The following ZBTB25 variants were observed in gnomAD, a reference collection of about 807,000 sequenced individuals.
ZBTB25 encodes zinc finger and BTB domain containing 25.
ZBTB25 carries 20 observed loss-of-function variants against 34.2 expected under a neutral mutation model. The observed-to-expected ratio is 0.58, with a 90% CI of 0.41 to 0.85. ZBTB25 has a LOEUF of 0.85. Among genes scored for constraint, ZBTB25 ranks in the 40% least tolerant of loss-of-function variants. The pLI is 0.00. For synonymous variants in ZBTB25, 175 were observed against 186.4 expected (o/e 0.94, Z 0.50); for missense variants, 437 against 521.8 (o/e 0.84, Z 1.58).
chr14:64,484,439 T>A lies in ZBTB25; in HGVS notation c.*2484A>T, dbSNP rs1171263222. ...GCTCACACCTGTAATCCCAGCACTA[T>A]GGGAGGCCGAGGCTGGTGCATGACC... is the stretch of plus-strand genomic sequence containing the variant. On this transcript the variant is annotated 3_prime_UTR_variant, in exon 3 of 3. Transcript: ENST00000608382. 6.6e-6 allele frequency: 1 copy of A among 152,314 alleles called. No individual in the cohort carries two copies. The highest frequency in any genetic ancestry group is 1.5e-5 in the Non-Finnish European group (1 of 68,158). The allele number at this position is 152,314 out of a possible 1,614,324, so 9.4% of individuals were successfully genotyped here. A position where few individuals can be genotyped will look rare whatever the true frequency, so the allele number is the denominator to read the frequency against.
intron 1 of ZBTB25, among the ~76,000 whole-genome samples, chr14:64,491,634 A>G (rs946356267): frequency 2.0e-5 from 3 of 152,212 alleles, no homozygotes; most frequent in Non-Finnish European, 2.9e-5. Flanking sequence ...TAAGCAGCAA[A>G]AACATTCAGA....
chr14:64,482,122 C>T lies in ZBTB25; in HGVS notation c.*4801G>A, dbSNP rs1052439721. ...TACTATTATTACCTTCACCCCATTTCCTGTCCTCATCTACTATTTAGATCA... is the reference window on the plus strand; with the variant it reads ...TACTATTATTACCTTCACCCCATTTTCTGTCCTCATCTACTATTTAGATCA... On this transcript the variant is annotated 3_prime_UTR_variant, in exon 3 of 3. Transcript: ENST00000608382. The T allele has an allele frequency of 4.6e-5, 7 of 152,130 alleles. No homozygotes were observed. Among genetic ancestry groups the T allele is most frequent in the Non-Finnish European group, 1.0e-4 (7 of 68,030 alleles). The allele number at this position is 152,130 out of a possible 1,614,324, so 9.4% of individuals were successfully genotyped here. A position where few individuals can be genotyped will look rare whatever the true frequency, so the allele number is the denominator to read the frequency against.
Position 64,484,846 on chromosome 14 carries a change from G to T in ZBTB25, c.*2077C>A. The T allele has an allele frequency of 4.7e-6, 1 of 210,824 alleles. No homozygotes were observed. The highest frequency in any genetic ancestry group is 1.8e-4 in the East Asian group (1 of 5,446). 13.1% of individuals were successfully genotyped at this position (210,824 alleles called of 1,614,324 possible). On this transcript the variant is annotated 3_prime_UTR_variant, in exon 3 of 3. Coordinates refer to ENST00000608382, the MANE Select transcript of ZBTB25 (RefSeq NM_006977.5). ...ACAAAAAATCAATGTTAATACTTGT[G>T]TTCTTCCAATGAGATGATATTTTTG...
At chr14:64,477,207 G>C (rs557387599), downstream of ZBTB25, among the ~76,000 whole-genome samples, 1 of 152,188 alleles carries the variant, frequency 6.6e-6, no homozygotes, top group Non-Finnish European at 1.5e-5. Flanking sequence ...AGGCTGTCAC[G>C]CACAGCTGTG....
At chr14:64,451,523 T>G (rs2078372770) in intron 2 of ZBTB25, among the ~76,000 whole-genome samples, 1 of 152,256 alleles carries the variant, frequency 6.6e-6, no homozygotes, top group South Asian at 2.1e-4. Flanking sequence ...TAAAATCTGT[T>G]CAGCAATCAT....
rs758946070 is a variant in ZBTB25, at chr14:64,469,098, C to T, written c.174-19460G>A. On this transcript the variant is annotated intron_variant, in intron 2 of 2. Transcript: ENST00000555220. ...ACTCTAATCCTTGAAGAAATTGAAA[C>T]GATCAAGGAAAAACAAGATGTTCAA... The T allele has an allele frequency of 2.5e-6, 4 of 1,613,678 alleles. No individual in the cohort carries two copies. Among genetic ancestry groups the T allele is most frequent in the Admixed American group, 3.3e-5 (2 of 59,936 alleles).
intron 2 of ZBTB25, chr14:64,468,840 A>G: frequency 6.2e-7 from 1 of 1,614,202 alleles, no homozygotes. Context: ...GAAGACTCAG[A>G]CTGCAGCATC....
chr14:64,449,708 A>T lies in ZBTB25; in HGVS notation c.174-70T>A, dbSNP rs10138064. Reference sequence around the variant, plus strand: ...GTGTGGCTACTTCTATTAGAGCCCCATGCTTCGCAGCTTCAGCCTTGCGGT... The same window carrying T: ...GTGTGGCTACTTCTATTAGAGCCCCTTGCTTCGCAGCTTCAGCCTTGCGGT... On this transcript the variant is annotated intron_variant, in intron 2 of 2. Transcript: ENST00000555220. The T allele has an allele frequency of 2.4e-4, 360 of 1,482,004 alleles. 1 individual carries two copies. The African/African-American group carries it at 4.2e-3, about 17-fold the overall frequency. 91.8% of individuals were successfully genotyped at this position (1,482,004 alleles called of 1,614,324 possible). A position where few individuals can be genotyped will look rare whatever the true frequency, so the allele number is the denominator to read the frequency against.
In ZBTB25 at chr14:64,458,141, C is replaced by T. The variant is rs992966309; in HGVS notation, c.174-8503G>A. 2.5e-5 allele frequency: 30 copies of T among 1,218,676 alleles called. No homozygotes were observed. In the Admixed American group the frequency reaches 4.5e-4, roughly 18 times the overall value. 75.5% of individuals were successfully genotyped at this position (1,218,676 alleles called of 1,614,324 possible). ...CCTGGCCTCAAGTGATCCTCTCCAC[C>T]TCAGCCTGGGATTATAGGCGTGAGC... On this transcript the variant is annotated intron_variant, in intron 2 of 2. Transcript: ENST00000555220.
chr14:64,497,215 A>G (rs1045252093), intron 1 of ZBTB25, among the ~76,000 whole-genome samples: 1 of 152,160 alleles, frequency 6.6e-6, no homozygotes, highest in African/African-American at 2.4e-5. Flanking sequence ...CTTGTTTTGC[A>G]TAATAGGAGA....
chr14:64,468,243 A>T, intron 2 of ZBTB25: 1 of 619,964 alleles, frequency 1.6e-6, no homozygotes, highest in South Asian at 2.9e-5. Flanking sequence ...TAGAGAAACC[A>T]CCTAAAACAA....
Position 64,485,088 on chromosome 14 carries a change from C to G in ZBTB25, c.*1835G>C. The stretch of plus-strand genomic sequence containing the variant: ...GAAACTCAACTGCCTTACACAATAT[C>G]CAGTAGCTTTCTTCATTCAATCCTC... On this transcript the variant is annotated 3_prime_UTR_variant, in exon 3 of 3. Coordinates refer to ENST00000608382, the MANE Select transcript of ZBTB25 (RefSeq NM_006977.5). 1 of 985,424 alleles carries G rather than the reference C, an allele frequency of 1.0e-6. No individual in the cohort carries two copies. Among genetic ancestry groups the G allele is most frequent in the Non-Finnish European group, 1.2e-6 (1 of 829,920 alleles). 61.0% of individuals were successfully genotyped at this position (985,424 alleles called of 1,614,324 possible).
In ZBTB25 at chr14:64,480,450, C is replaced by T. The variant is rs186357216; in HGVS notation, c.*6473G>A. The T allele has an allele frequency of 8.8e-4, 306 of 347,768 alleles. 1 individual carries two copies. The highest frequency in any genetic ancestry group is 6.4e-3 in the African/African-American group (288 of 45,080). The allele number at this position is 347,768 out of a possible 1,614,324, so 21.5% of individuals were successfully genotyped here. A position where few individuals can be genotyped will look rare whatever the true frequency, so the allele number is the denominator to read the frequency against. ...GATTAGGACGTCAATTTTCGATTAA[C>T]ACAGATTATGGTCGGTAAGAATTAG... is the stretch of plus-strand genomic sequence containing the variant. On this transcript the variant is annotated 3_prime_UTR_variant, in exon 3 of 3. Transcript: ENST00000608382.
chr14:64,498,815 T>C (rs955685884), intron 1 of ZBTB25, among the ~76,000 whole-genome samples: 2 of 151,556 alleles, frequency 1.3e-5, no homozygotes, highest in East Asian at 1.9e-4. Context: ...TTTGTATTTT[T>C]AGTCGAGACG....
chr14:64,503,026 GT>G (rs2079548745), intron 1 of ZBTB25: 1 of 985,280 alleles, frequency 1.0e-6, no homozygotes, highest in South Asian at 4.7e-5. Context: ...GTGCCGTCAG[GT>G]TCCAGGTACT....
At chr14:64,468,678 C>T in intron 2 of ZBTB25, 1 of 1,614,028 alleles carries the variant, frequency 6.2e-7, no homozygotes, top group South Asian at 1.1e-5. Flanking sequence ...TCAGAGTCTT[C>T]AAAGCAGCAA....
rs1209475439 is a variant in ZBTB25, at chr14:64,503,743, G to A, written c.-90C>T. 4.7e-6 allele frequency: 2 copies of A among 422,046 alleles called. No individual in the cohort carries two copies. Among genetic ancestry groups the A allele is most frequent in the Admixed American group, 6.4e-5 (1 of 15,604 alleles). The allele number at this position is 422,046 out of a possible 1,614,324, so 26.1% of individuals were successfully genotyped here. ...GCCGCGCACTGCAAGCAGTGGCGCCGGCTCACGCACCCCTCGGCCGCCTCT... is the reference window on the plus strand; with the variant it reads ...GCCGCGCACTGCAAGCAGTGGCGCCAGCTCACGCACCCCTCGGCCGCCTCT... On this transcript the variant is annotated 5_prime_UTR_variant, in exon 1 of 3. Coordinates refer to ENST00000608382, the MANE Select transcript of ZBTB25 (RefSeq NM_006977.5).
rs1049857632 is a variant in ZBTB25 at position 64,481,044 on chromosome 14, C to G, written c.*5879G>C. On this transcript the variant is annotated 3_prime_UTR_variant, in exon 3 of 3. Coordinates refer to ENST00000608382, the MANE Select transcript of ZBTB25 (RefSeq NM_006977.5). Reference sequence around the variant, plus strand: ...ATCTCCCGGGTTCAAATGATTCTGTCTCAGCCTCCCAAGTAGCTGGGACTA... The same window carrying G: ...ATCTCCCGGGTTCAAATGATTCTGTGTCAGCCTCCCAAGTAGCTGGGACTA... 1.3e-5 allele frequency: 2 copies of G among 152,284 alleles called. No individual in the cohort carries two copies. Among genetic ancestry groups the G allele is most frequent in the Non-Finnish European group, 2.9e-5 (2 of 68,164 alleles). The allele number at this position is 152,284 out of a possible 1,614,324, so 9.4% of individuals were successfully genotyped here.
chr14:64,492,421 G>C (rs1465185000), intron 1 of ZBTB25, among the ~76,000 whole-genome samples: 1 of 151,820 alleles, frequency 6.6e-6, no homozygotes, highest in Non-Finnish European at 1.5e-5. Flanking sequence ...TGGCCAGGCT[G>C]GTCTCAAACT....
Sources: gnomAD v4.1 joint callset for allele counts (sites outside exome capture counted in the v4.1 genomes callset) on GRCh38, gnomAD v4.1.1 for gene constraint, MANE v1.5 for transcripts, NCBI Gene and HGNC (gene_info 2026-07-23, HGNC 2026-07-21) for gene names.